CHST8: variants seen among roughly 807,000 people sequenced by gnomAD.
CHST8 encodes carbohydrate sulfotransferase 8.
CHST8 carries 10 observed loss-of-function variants against 15.0 expected under a neutral mutation model. That is an observed-to-expected ratio of 0.67 (90% CI 0.41 to 1.13). The LOEUF (loss-of-function observed/expected upper bound fraction) is 1.13. CHST8 is among the 50% of genes most tolerant of loss of function. CHST8 has a pLI of 0.00. For missense variants in CHST8, 634 were observed against 608.2 expected, an observed-to-expected ratio of 1.04 and a Z score of -0.45; for synonymous variants, 259 against 256.6, an observed-to-expected ratio of 1.01 and a Z score of -0.09.
intron 2 of CHST8, among the ~76,000 whole-genome samples, chr19:33,688,071 G>A (rs939347964): frequency 6.6e-6 from 1 of 152,212 alleles, no homozygotes; most frequent in Non-Finnish European, 1.5e-5. Context: ...AGCAAGGCCC[G>A]CTGGAAAGTA....
intron 3 of CHST8, among the ~76,000 whole-genome samples, chr19:33,751,972 C>T (rs933788303): frequency 6.6e-6 from 1 of 152,206 alleles, no homozygotes; most frequent in African/African-American, 2.4e-5. Context: ...GTGTTTCCCC[C>T]TTCTGGGCAG....
intron 1 of CHST8, among the ~76,000 whole-genome samples, chr19:33,656,331 T>G (rs1972509989): frequency 6.6e-6 from 1 of 152,186 alleles, no homozygotes; most frequent in East Asian, 1.9e-4. Flanking sequence ...CTTATTAAAC[T>G]GTAACATCCC....
intron 2 of CHST8, among the ~76,000 whole-genome samples, chr19:33,668,988 G>A (rs961789418): frequency 1.3e-5 from 2 of 152,180 alleles, no homozygotes; most frequent in Admixed American, 6.5e-5. Context: ...CTCGGGAAAC[G>A]TATTTGTGTT....
chr19:33,652,191 C>T (rs1457429517), intron 1 of CHST8, among the ~76,000 whole-genome samples: 1 of 151,692 alleles, frequency 6.6e-6, no homozygotes, highest in African/African-American at 2.4e-5. Flanking sequence ...TTTTTTTGGC[C>T]TTACATTCTA....
intron 3 of CHST8, among the ~76,000 whole-genome samples, chr19:33,717,921 TG>T (rs1190113968): frequency 6.6e-6 from 1 of 152,186 alleles, no homozygotes; most frequent in Non-Finnish European, 1.5e-5. Flanking sequence ...TCAGAGGTAC[TG>T]GGGGTTAGGA....
chr19:33,770,020 C>T (rs758484019), intron 3 of CHST8, among the ~76,000 whole-genome samples: 2 of 152,176 alleles, frequency 1.3e-5, no homozygotes, highest in Non-Finnish European at 2.9e-5. Flanking sequence ...CCAGGGCTGA[C>T]CTTGCATCTC....
intron 3 of CHST8, among the ~76,000 whole-genome samples, chr19:33,768,786 G>C (rs1974906402): frequency 6.6e-6 from 1 of 152,142 alleles, no homozygotes; most frequent in Non-Finnish European, 1.5e-5. Flanking sequence ...TGAGCTTGTG[G>C]GGATAGGTCT....
At chr19:33,725,914 G>C (rs1973888281) in intron 3 of CHST8, among the ~76,000 whole-genome samples, 1 of 152,240 alleles carries the variant, frequency 6.6e-6, no homozygotes, top group South Asian at 2.1e-4. Flanking sequence ...TTGCCCACTG[G>C]AGACACTGGG....
intron 3 of CHST8, among the ~76,000 whole-genome samples, chr19:33,713,262 C>T (rs922815991): frequency 6.6e-6 from 1 of 152,190 alleles, no homozygotes; most frequent in African/African-American, 2.4e-5. Context: ...TGTGGAGATG[C>T]CACATCTTCC....
intron 1 of CHST8, among the ~76,000 whole-genome samples, chr19:33,637,546 G>A (rs796318936): frequency 6.6e-6 from 1 of 151,434 alleles, no homozygotes; most frequent in South Asian, 2.1e-4. Context: ...GGGACTACAG[G>A]CGCACGCTGC....
intron 3 of CHST8, among the ~76,000 whole-genome samples, chr19:33,713,354 G>GC (rs936969419): frequency 2.6e-5 from 4 of 152,088 alleles, no homozygotes; most frequent in Non-Finnish European, 5.9e-5. Flanking sequence ...ATGCAATGGT[G>GC]CCCTCCCAGG....
At chr19:33,719,309 T>C (rs917070433) in intron 3 of CHST8, among the ~76,000 whole-genome samples, 1 of 152,142 alleles carries the variant, frequency 6.6e-6, no homozygotes, top group Non-Finnish European at 1.5e-5. Context: ...GTGTCATTGG[T>C]GACACCCATG....
chr19:33,647,573 C>T lies in CHST8; in HGVS notation c.-163-20194C>T, dbSNP rs1184756695. The stretch of plus-strand genomic sequence containing the variant: ...AAGAAATGGGGAGATAGGCTTGGTG[C>T]GGTGACTCACGCTTATAATCCTAGC... On this transcript the variant is annotated intron_variant, in intron 1 of 4. Coordinates refer to ENST00000650847, the MANE Select transcript of CHST8 (RefSeq NM_001127895.2). Among the ~76,000 whole-genome samples the T allele has an allele frequency of 3.3e-5, 5 of 152,126 alleles. No homozygotes were observed. The East Asian group carries it at 5.8e-4, about 18-fold the overall frequency.
chr19:33,626,210 C>A (rs1043183306), intron 1 of CHST8, among the ~76,000 whole-genome samples: 2 of 152,054 alleles, frequency 1.3e-5, no homozygotes, highest in African/African-American at 4.8e-5. Flanking sequence ...ACAAATTGGT[C>A]ATGGAAAAAA....
intron 1 of CHST8, among the ~76,000 whole-genome samples, chr19:33,641,834 C>G (rs1972288448): frequency 6.6e-6 from 1 of 152,090 alleles, no homozygotes; most frequent in Non-Finnish European, 1.5e-5. Context: ...TCCAGGGTGG[C>G]CAGGTATTCA....
At chr19:33,668,325 C>G (rs1972689916) in intron 2 of CHST8, among the ~76,000 whole-genome samples, 1 of 152,166 alleles carries the variant, frequency 6.6e-6, no homozygotes, top group African/African-American at 2.4e-5. Context: ...TAACACTCTG[C>G]CCTCCTTGGG....
chr19:33,634,193 C>T (rs755967274), intron 1 of CHST8, among the ~76,000 whole-genome samples: 6 of 152,086 alleles, frequency 3.9e-5, no homozygotes, highest in African/African-American at 9.7e-5. Context: ...ATGAGTGTTC[C>T]GTACGTAACT....
chr19:33,752,604 C>T (rs1974443320), intron 3 of CHST8, among the ~76,000 whole-genome samples: 1 of 152,198 alleles, frequency 6.6e-6, no homozygotes, highest in South Asian at 2.1e-4. Flanking sequence ...GCATCTGACC[C>T]TTCCCGCCGC....
At chr19:33,640,369 G>A (rs1972267802) in intron 1 of CHST8, among the ~76,000 whole-genome samples, 1 of 152,150 alleles carries the variant, frequency 6.6e-6, no homozygotes, top group Non-Finnish European at 1.5e-5. Flanking sequence ...GGGATGTGGT[G>A]GAAGCCATGG....
Sources: allele counts gnomAD v4.1 joint callset (sites outside exome capture counted in the v4.1 genomes callset), GRCh38; gene constraint gnomAD v4.1.1; transcripts MANE v1.5; gene names NCBI Gene and HGNC (gene_info 2026-07-23, HGNC 2026-07-21).